The following GALNT13 variants were observed in gnomAD, a reference collection of about 807,000 sequenced individuals.
The protein encoded by GALNT13 is UDP-GalNAc:polypeptide N-acetylgalactosaminyltransferase 13.
In GALNT13, 28 loss-of-function variants were observed where a neutral mutation model predicts 64.2. That is an observed-to-expected ratio of 0.44 (90% CI 0.32 to 0.60). The LOEUF (loss-of-function observed/expected upper bound fraction) is 0.60, where lower values mean the gene tolerates loss of function less well. GALNT13 is among the 20% of genes least tolerant of loss of function. The pLI, the probability that GALNT13 is intolerant of heterozygous loss-of-function variation, is 0.05. For synonymous variants in GALNT13, 214 were observed against 224.6 expected (o/e 0.95, Z 0.42); for missense variants, 577 against 669.8 (o/e 0.86, Z 1.53).
At chr2:154,269,105 C>T (rs1573989125) in intron 8 of GALNT13, among the ~76,000 whole-genome samples, 1 of 151,850 alleles carries the variant, frequency 6.6e-6, no homozygotes, top group Admixed American at 6.6e-5. Context: ...TGAGAGCTGA[C>T]ATAATAAATA....
chr2:153,761,294 A>G, the GALNT13 span, among the ~76,000 whole-genome samples: 2 of 152,144 alleles, frequency 1.3e-5, no homozygotes, highest in South Asian at 2.1e-4. Flanking sequence ...TTGAGCTTTT[A>G]TATTTGTTTA....
At chr2:153,324,429 G>T in the GALNT13 span, among the ~76,000 whole-genome samples, 1 of 152,328 alleles carries the variant, frequency 6.6e-6, no homozygotes, top group South Asian at 2.1e-4. Context: ...ATACAATCAT[G>T]TAATATGCAA....
At chr2:153,995,794 G>C (rs1415674730) in intron 3 of GALNT13, among the ~76,000 whole-genome samples, 4 of 151,904 alleles carry the variant, frequency 2.6e-5, no homozygotes, top group Admixed American at 6.6e-5. Flanking sequence ...CTGTAACTTT[G>C]ATAAACCAAC....
At chr2:153,206,280 G>A in the GALNT13 span, among the ~76,000 whole-genome samples, 1 of 152,098 alleles carries the variant, frequency 6.6e-6, no homozygotes, top group Non-Finnish European at 1.5e-5. Flanking sequence ...CCAAGAGAGT[G>A]AAGTTACTGA....
the GALNT13 span, among the ~76,000 whole-genome samples, chr2:153,247,313 C>T: frequency 1.3e-5 from 2 of 152,324 alleles, no homozygotes; most frequent in South Asian, 2.1e-4. Flanking sequence ...GAATTCTCCA[C>T]CCCAAATCAA....
At chr2:154,131,441 G>A (rs752781774) in intron 3 of GALNT13, among the ~76,000 whole-genome samples, 2 of 152,052 alleles carry the variant, frequency 1.3e-5, no homozygotes, top group African/African-American at 2.4e-5. Context: ...TTCCTGTGAG[G>A]AACTTATATC....
chr2:153,445,455 G>A, the GALNT13 span, among the ~76,000 whole-genome samples: 7 of 152,142 alleles, frequency 4.6e-5, no homozygotes, highest in African/African-American at 1.7e-4. Context: ...ATGGTTCAAT[G>A]CAGCCTTGAC....
chr2:153,426,149 C>CA, the GALNT13 span, among the ~76,000 whole-genome samples: 1 of 151,748 alleles, frequency 6.6e-6, no homozygotes, highest in African/African-American at 2.4e-5. Context: ...TAAACACAGC[C>CA]AGCTCTTTTT....
chr2:153,994,612 A>G (rs980177703), intron 3 of GALNT13, among the ~76,000 whole-genome samples: 1 of 152,148 alleles, frequency 6.6e-6, no homozygotes, highest in Non-Finnish European at 1.5e-5. Flanking sequence ...CGCCATTCTA[A>G]CTGGTGTAAG....
chr2:153,399,239 T>C, the GALNT13 span, among the ~76,000 whole-genome samples: 7 of 151,430 alleles, frequency 4.6e-5, no homozygotes, highest in African/African-American at 9.7e-5. Context: ...GTTGTAGATA[T>C]GCGGCGTTAT....
chr2:154,416,873 T>G (rs1255568870), intron 11 of GALNT13, among the ~76,000 whole-genome samples: 2 of 152,160 alleles, frequency 1.3e-5, no homozygotes, highest in Non-Finnish European at 2.9e-5. Context: ...CCCCTCAAGT[T>G]TAAGGAGGCG....
chr2:154,310,838 C>T (rs145100635), intron 9 of GALNT13, among the ~76,000 whole-genome samples: 32 of 152,050 alleles, frequency 2.1e-4, no homozygotes, highest in Non-Finnish European at 3.4e-4. Flanking sequence ...TATAAAAATA[C>T]GGCCTTCCAC....
chr2:153,433,943 AG>A, the GALNT13 span, among the ~76,000 whole-genome samples: 1 of 151,954 alleles, frequency 6.6e-6, no homozygotes, highest in South Asian at 2.1e-4. Flanking sequence ...CTCGTCGTTT[AG>A]CATTAGGTAT....
intron 4 of GALNT13, among the ~76,000 whole-genome samples, chr2:154,237,601 G>GT (rs1269655050): frequency 6.8e-6 from 1 of 147,984 alleles, no homozygotes; most frequent in East Asian, 2.0e-4. Flanking sequence ...TAGTATAAAG[G>GT]TTTTTTTACA....
intron 1 of GALNT13, among the ~76,000 whole-genome samples, chr2:153,879,411 C>T (rs1686624329): frequency 6.6e-6 from 1 of 151,698 alleles, no homozygotes; most frequent in Non-Finnish European, 1.5e-5. Context: ...GAGACAGAGT[C>T]TGCCTCTGTT....
chr2:154,311,773 T>G (rs1694055572), intron 9 of GALNT13, among the ~76,000 whole-genome samples: 1 of 152,174 alleles, frequency 6.6e-6, no homozygotes, highest in South Asian at 2.1e-4. Context: ...GGGGGCCAGT[T>G]CAGAGACCTA....
At chr2:154,455,536 G>A (rs2105517190), downstream of GALNT13, among the ~76,000 whole-genome samples, 1 of 152,208 alleles carries the variant, frequency 6.6e-6, no homozygotes, top group Middle Eastern at 3.4e-3. Flanking sequence ...TGTGTTTCAG[G>A]ATTCCGCCAC....
At chr2:154,147,409 G>A (rs1683678185) in intron 4 of GALNT13, among the ~76,000 whole-genome samples, 1 of 147,026 alleles carries the variant, frequency 6.8e-6, no homozygotes, top group Admixed American at 6.8e-5. Flanking sequence ...ATATCTCCTA[G>A]TATGTGGCAG....
the GALNT13 span, among the ~76,000 whole-genome samples, chr2:153,679,877 A>T: frequency 2.0e-5 from 3 of 151,906 alleles, no homozygotes; most frequent in Non-Finnish European, 4.4e-5. Flanking sequence ...ATCCAAATTC[A>T]GTGTCTTCAA....
Sources: allele counts gnomAD v4.1 joint callset (sites outside exome capture counted in the v4.1 genomes callset), GRCh38; gene constraint gnomAD v4.1.1; transcripts MANE v1.5; gene names NCBI Gene and HGNC (gene_info 2026-07-23, HGNC 2026-07-21).